Variants in SEMA3A observed in about 807,000 individuals in gnomAD.
The protein encoded by SEMA3A is semaphorin-3A.
SEMA3A carries 29 observed loss-of-function variants against 97.9 expected under a neutral mutation model. That is an observed-to-expected ratio of 0.30 (90% CI 0.22 to 0.40). SEMA3A has a LOEUF of 0.40. Among genes scored for constraint, SEMA3A ranks in the 10% least tolerant of loss-of-function variants. The pLI is 1.00. For synonymous variants in SEMA3A, 321 were observed against 323.7 expected, an observed-to-expected ratio of 0.99 and a Z score of 0.09; for missense variants, 763 against 951.3, an observed-to-expected ratio of 0.80 and a Z score of 2.60.
At chr7:84,079,495 C>G (rs1397759614) in intron 4 of SEMA3A, among the ~76,000 whole-genome samples, 1 of 151,440 alleles carries the variant, frequency 6.6e-6, no homozygotes, top group Non-Finnish European at 1.5e-5. Context: ...TGAACTCAAA[C>G]AAATTTACAA....
rs557575057 is a variant in SEMA3A, at chr7:84,266,267, G to A, written c.-83+40940C>T. ...ACTCAGGAGGTGGAGGTTGCAGTGA[G>A]TCAAGATCATGCCACTGCACTCTAG... On this transcript the variant is annotated intron_variant, in intron 3 of 3. Transcript: ENST00000424555. Among the ~76,000 whole-genome samples, 162 of 130,394 alleles carry A rather than the reference G, an allele frequency of 1.2e-3. 1 individual carries two copies. Among genetic ancestry groups the A allele is most frequent in the African/African-American group, 4.5e-3 (155 of 34,460 alleles). 85.5% of individuals were successfully genotyped at this position (130,394 alleles called of 152,430 possible).
Position 84,284,011 on chromosome 7 carries a change from C to A in SEMA3A, c.-83+23196G>T, listed in dbSNP as rs191317571. On this transcript the variant is annotated intron_variant, in intron 3 of 3. Coordinates refer to the SEMA3A transcript ENST00000424555. Reference sequence around the variant, plus strand: ...TGCTGACAATGCTAGATTGGAGAGGCAATAAATGCTAAGTCGCATACAAAA... The same window carrying A: ...TGCTGACAATGCTAGATTGGAGAGGAAATAAATGCTAAGTCGCATACAAAA... 1.2e-4 allele frequency among the ~76,000 whole-genome samples: 18 copies of A among 152,088 alleles called. 1 individual carries two copies. The East Asian group carries it at 3.3e-3, about 28-fold the overall frequency.
chr7:84,477,076 A>AT (rs951416182), intron 1 of SEMA3A, among the ~76,000 whole-genome samples: 1 of 98,288 alleles, frequency 1.0e-5, no homozygotes, highest in African/African-American at 4.0e-5. Flanking sequence ...AAAAAAAAAT[A>AT]TATATATATA....
chr7:84,194,574 T>C lies in SEMA3A; in HGVS notation c.13A>G (p.Thr5Ala), dbSNP rs1345786577. The C allele has an allele frequency of 6.2e-7, 1 of 1,608,966 alleles. No individual in the cohort carries two copies. Reference protein sequence around the residue: MGWLTRIVCLFWGVL... With the variant: MGWLARIVCLFWGVL... ...CCCCAGAAAAGACAGACAATCCTAG[T>C]TAACCAGCCCATGCTGCAGACGCTG... is the stretch of plus-strand genomic sequence containing the variant. Residue 5 changes from threonine (T) to alanine (A), a missense_variant, in exon 1 of 17, where the codon ACT becomes GCT. Physicochemically the swap from Thr to Ala is moderately conservative, Grantham distance 58 (BLOSUM62 0). Transcript: ENST00000265362.
At chr7:84,473,742 C>A (rs1806211977) in intron 1 of SEMA3A, among the ~76,000 whole-genome samples, 1 of 152,040 alleles carries the variant, frequency 6.6e-6, no homozygotes, top group Admixed American at 6.6e-5. Context: ...ATAAATCAGA[C>A]TGCACAGAAA....
At chr7:84,404,847 G>C (rs1385439116) in intron 1 of SEMA3A, among the ~76,000 whole-genome samples, 1 of 152,112 alleles carries the variant, frequency 6.6e-6, no homozygotes, top group East Asian at 1.9e-4. Flanking sequence ...CAAATGCTGA[G>C]AGATTTTGTC....
chr7:84,130,633 C>G (rs1795935037), intron 2 of SEMA3A, among the ~76,000 whole-genome samples: 1 of 152,102 alleles, frequency 6.6e-6, no homozygotes, highest in Non-Finnish European at 1.5e-5. Context: ...TAACATTACT[C>G]TGACTACTGA....
At chr7:84,476,629 C>T (rs1024509293) in intron 1 of SEMA3A, among the ~76,000 whole-genome samples, 3 of 151,754 alleles carry the variant, frequency 2.0e-5, no homozygotes, top group African/African-American at 7.3e-5. Flanking sequence ...TTGCTATTAC[C>T]TAGAAAAATA....
At chr7:84,442,429 G>A (rs1384381241) in intron 1 of SEMA3A, among the ~76,000 whole-genome samples, 1 of 151,920 alleles carries the variant, frequency 6.6e-6, no homozygotes, top group East Asian at 1.9e-4. Context: ...TAAGATTAAA[G>A]ATGATTCCCA....
chr7:84,123,081 T>C (rs1010084411), intron 3 of SEMA3A, among the ~76,000 whole-genome samples: 14 of 152,124 alleles, frequency 9.2e-5, no homozygotes, highest in Non-Finnish European at 1.9e-4. Flanking sequence ...TGAAATTTAG[T>C]GCAAAGAGAG....
At chr7:84,436,228 C>T (rs1254596094) in intron 1 of SEMA3A, among the ~76,000 whole-genome samples, 3 of 151,992 alleles carry the variant, frequency 2.0e-5, no homozygotes, top group Non-Finnish European at 2.9e-5. Flanking sequence ...TATAAGAATC[C>T]TAGAAGAAAA....
chr7:84,155,805 A>T (rs531203683), intron 1 of SEMA3A, among the ~76,000 whole-genome samples: 1 of 152,270 alleles, frequency 6.6e-6, no homozygotes, highest in East Asian at 1.9e-4. Flanking sequence ...TATAATTTTC[A>T]GATTCAAACA....
intron 3 of SEMA3A, among the ~76,000 whole-genome samples, chr7:84,296,495 C>A (rs895800452): frequency 6.6e-6 from 1 of 152,098 alleles, no homozygotes; most frequent in Non-Finnish European, 1.5e-5. Flanking sequence ...TTGAATGAAT[C>A]TGTAGCAGAG....
intron 6 of SEMA3A, among the ~76,000 whole-genome samples, chr7:84,043,086 AT>A (rs1380869167): frequency 6.6e-6 from 1 of 152,054 alleles, no homozygotes; most frequent in East Asian, 1.9e-4. Flanking sequence ...CCCTAGCAGT[AT>A]ATTTTCTGAA....
At position 84,051,781 on chromosome 7, in the gene SEMA3A, A is replaced by G. The variant is rs1291201945; in HGVS notation, c.548-5338T>C. Among the ~76,000 whole-genome samples the G allele has an allele frequency of 2.6e-5, 4 of 152,084 alleles. 1 individual carries two copies. The highest frequency in any genetic ancestry group is 9.6e-5 in the African/African-American group (4 of 41,516). ...GAGTGGTGAGAGAGGGCATCCCTGTATTGTGCCAGTCTTCAAAGGGAATGC... is the reference window on the plus strand; with the variant it reads ...GAGTGGTGAGAGAGGGCATCCCTGTGTTGTGCCAGTCTTCAAAGGGAATGC... On this transcript the variant is annotated intron_variant, in intron 5 of 16. Transcript: ENST00000265362.
At chr7:84,069,088 G>A (rs1793648675) in intron 4 of SEMA3A, among the ~76,000 whole-genome samples, 2 of 152,106 alleles carry the variant, frequency 1.3e-5, no homozygotes, top group South Asian at 2.1e-4. Context: ...CTAGTGAGAT[G>A]AGGATCTGAA....
Position 84,361,198 on chromosome 7 carries a change from T to C in SEMA3A, c.-169+10626A>G, listed in dbSNP as rs760709539. ...GAAGGGAACAATGGCTGAGTTTCAC[T>C]GGAGATTCTGATCCAAAGACGAGAG... On this transcript the variant is annotated intron_variant, in intron 2 of 3. Transcript: ENST00000424555. 2.6e-5 allele frequency among the ~76,000 whole-genome samples: 4 copies of C among 152,062 alleles called. No individual in the cohort carries two copies. The South Asian group carries it at 6.2e-4, about 24-fold the overall frequency.
At chr7:84,424,930 T>A (rs190112701) in intron 1 of SEMA3A, among the ~76,000 whole-genome samples, 31,218 of 99,956 alleles carry the variant, frequency 0.31, 5,907 homozygotes, top group African/African-American at 0.54. Context: ...TATATTTATA[T>A]TTATATAAAT....
chr7:84,282,520 C>T (rs1800464660), intron 3 of SEMA3A, among the ~76,000 whole-genome samples: 2 of 152,122 alleles, frequency 1.3e-5, no homozygotes, highest in African/African-American at 4.8e-5. Flanking sequence ...TCTTTCCTAT[C>T]CTAAAACATC....
Sources: gnomAD v4.1 joint callset for allele counts (sites outside exome capture counted in the v4.1 genomes callset) on GRCh38, gnomAD v4.1.1 for gene constraint, MANE v1.5 for transcripts, NCBI Gene and HGNC (gene_info 2026-07-23, HGNC 2026-07-21) for gene names.